Variants in PIBF1 observed in about 807,000 individuals in gnomAD.
PIBF1 encodes the protein progesterone immunomodulatory binding factor 1, also known as progesterone-induced-blocking factor 1.
PIBF1 carries 90 observed loss-of-function variants against 112.5 expected under a neutral mutation model. The ratio of observed to expected loss-of-function variants is 0.80; its 90% CI spans 0.67 to 0.95. The LOEUF is 0.95. PIBF1 is among the 40% of genes least tolerant of loss of function. The pLI is 0.00. For synonymous variants in PIBF1, 301 were observed against 288.6 expected, an observed-to-expected ratio of 1.04 and a Z score of -0.44; for missense variants, 915 against 852.3, an observed-to-expected ratio of 1.07 and a Z score of -0.92.
intron 10 of PIBF1, among the ~76,000 whole-genome samples, chr13:72,874,829 T>C (rs1254861132): frequency 6.6e-6 from 1 of 152,190 alleles, no homozygotes; most frequent in African/African-American, 2.4e-5. Context: ...AGATTGCTCA[T>C]ATAACCCCTA....
chr13:72,827,837 C>G lies in PIBF1; in HGVS notation c.1020C>G (p.Arg340=). 6.3e-7 allele frequency: 1 copy of G among 1,598,822 alleles called. No homozygotes were observed. ...LSVRCAHEED[R]LERLQAQLEE... ...TTCGCTGTGCTCATGAAGAGGATCGCCTTGAAAGACTTCAAGCTCAACTGG... is the reference window on the plus strand; with the variant it reads ...TTCGCTGTGCTCATGAAGAGGATCGGCTTGAAAGACTTCAAGCTCAACTGG... Residue 340 remains arginine (R), a synonymous_variant, in exon 8 of 18, where the codon CGC becomes CGG. Coordinates refer to ENST00000326291, the MANE Select transcript of PIBF1 (RefSeq NM_006346.4).
chr13:72,869,100 G>A (rs141746708), intron 10 of PIBF1, among the ~76,000 whole-genome samples: 1,807 of 152,174 alleles, frequency 0.012, 21 homozygotes, highest in Non-Finnish European at 0.02. Context: ...ATTTGACCCA[G>A]CCATCCCATT....
At chr13:72,931,295 A>ATACTGTGATTCTTCATATG in intron 14 of PIBF1, 28 bp downstream of exon 14, 2 of 1,270,038 alleles carry the variant, frequency 1.6e-6, no homozygotes, top group African/African-American at 1.5e-5. Context: ...ACCCATATGA[A>ATACTGTGATTCTTCATATG]GAATCACAGT....
chr13:72,860,414 A>T (rs1364889682), intron 10 of PIBF1, among the ~76,000 whole-genome samples: 1 of 151,136 alleles, frequency 6.6e-6, no homozygotes, highest in Non-Finnish European at 1.5e-5. Context: ...TATGTTGCCT[A>T]TGTGTTTAAA....
chr13:72,855,301 A>G (rs2038367500), intron 10 of PIBF1, among the ~76,000 whole-genome samples: 1 of 152,190 alleles, frequency 6.6e-6, no homozygotes, highest in Non-Finnish European at 1.5e-5. Context: ...TCAACTTTAT[A>G]AACTTGGCCT....
intron 16 of PIBF1, among the ~76,000 whole-genome samples, chr13:72,990,903 AAC>A (rs2043459748): frequency 6.6e-6 from 1 of 152,234 alleles, no homozygotes; most frequent in African/African-American, 2.4e-5. Context: ...TTTGGTTTAA[AAC>A]AAGACTGGTT....
chr13:72,968,502 T>G (rs1273994104), intron 15 of PIBF1, among the ~76,000 whole-genome samples: 1 of 151,832 alleles, frequency 6.6e-6, no homozygotes, highest in East Asian at 2.0e-4. Flanking sequence ...GGTTTCACCC[T>G]GTTAGCCAGG....
chr13:72,892,851 T>A (rs2138565397), intron 10 of PIBF1, among the ~76,000 whole-genome samples: 1 of 150,780 alleles, frequency 6.6e-6, no homozygotes, highest in Admixed American at 6.6e-5. Context: ...AAGTTAGGTC[T>A]CCTTCATATG....
At chr13:72,878,537 G>A (rs2039498152) in intron 10 of PIBF1, among the ~76,000 whole-genome samples, 1 of 152,104 alleles carries the variant, frequency 6.6e-6, no homozygotes, top group Non-Finnish European at 1.5e-5. Flanking sequence ...TTGTTCATGT[G>A]TGTTTATAGC....
chr13:72,796,662 T>G (rs1466026648), intron 4 of PIBF1, among the ~76,000 whole-genome samples: 1 of 151,896 alleles, frequency 6.6e-6, no homozygotes, highest in African/African-American at 2.4e-5. Context: ...TTTTTTTTTT[T>G]TTTAAAAGGC....
chr13:72,839,712 T>C (rs1384785007), intron 9 of PIBF1, among the ~76,000 whole-genome samples: 1 of 152,152 alleles, frequency 6.6e-6, no homozygotes, highest in Non-Finnish European at 1.5e-5. Context: ...ATTTCCTCAT[T>C]TTTTAGGTTT....
rs71099771 is a variant in PIBF1, at chr13:72,949,300, C to CTTTTTTTTTT, written c.1834-15950_1834-15941dup. On this transcript the variant is annotated intron_variant, in intron 14 of 17. Coordinates refer to ENST00000326291, the MANE Select transcript of PIBF1 (RefSeq NM_006346.4). The stretch of plus-strand genomic sequence containing the variant: ...AACTACTACCTAGACAAATAGCTGT[C>CTTTTTTTTTT]TTTTTTTTTTTTTTTTTTTTTTTTT... 1.4e-3 allele frequency among the ~76,000 whole-genome samples: 76 copies of CTTTTTTTTTT among 54,982 alleles called. 12 individuals carry two copies. The highest frequency in any genetic ancestry group is 2.1e-3 in the Non-Finnish European group (65 of 31,600). 36.1% of individuals were successfully genotyped at this position (54,982 alleles called of 152,430 possible). A position where few individuals can be genotyped will look rare whatever the true frequency, so the allele number is the denominator to read the frequency against.
At chr13:72,932,621 G>T (rs1258741439) in intron 14 of PIBF1, among the ~76,000 whole-genome samples, 3 of 152,018 alleles carry the variant, frequency 2.0e-5, no homozygotes, top group Non-Finnish European at 1.5e-5. Flanking sequence ...CCAACCTAAG[G>T]TTACTGAAGA....
intron 10 of PIBF1, among the ~76,000 whole-genome samples, chr13:72,889,926 T>C (rs1305625720): frequency 2.6e-5 from 4 of 152,192 alleles, no homozygotes; most frequent in Admixed American, 1.3e-4. Flanking sequence ...ACATTTTGTG[T>C]ACAGAATTCA....
intron 13 of PIBF1, among the ~76,000 whole-genome samples, chr13:72,926,675 A>G (rs2041494392): frequency 6.6e-6 from 1 of 152,334 alleles, no homozygotes; most frequent in African/African-American, 2.4e-5. Flanking sequence ...CATGCACCAT[A>G]TATTATTGAT....
At chr13:72,999,375 A>C (rs1034085155) in intron 17 of PIBF1, among the ~76,000 whole-genome samples, 1 of 152,142 alleles carries the variant, frequency 6.6e-6, no homozygotes, top group Non-Finnish European at 1.5e-5. Flanking sequence ...TAAATTAGGA[A>C]ATATTGAAAA....
chr13:72,788,768 G>T lies in PIBF1; in HGVS notation c.253-3679G>T, dbSNP rs148482352. 3.0e-3 allele frequency among the ~76,000 whole-genome samples: 464 copies of T among 152,332 alleles called. 2 individuals carry two copies. Among genetic ancestry groups the T allele is most frequent in the African/African-American group, 0.01 (426 of 41,564 alleles). ...TACTAATAAAAACCAGAGTATGTCA[G>T]AAAGAAGGGAAGGTTTGATGTTGGG... On this transcript the variant is annotated intron_variant, in intron 2 of 17. Coordinates refer to ENST00000326291, the MANE Select transcript of PIBF1 (RefSeq NM_006346.4).
intron 12 of PIBF1, among the ~76,000 whole-genome samples, chr13:72,911,033 C>T (rs1415259203): frequency 6.6e-6 from 1 of 152,034 alleles, no homozygotes; most frequent in Non-Finnish European, 1.5e-5. Context: ...AAAGTTGAAG[C>T]CCTGTGTGGT....
chr13:72,810,242 A>G (rs2035944910), intron 5 of PIBF1, among the ~76,000 whole-genome samples: 2 of 152,146 alleles, frequency 1.3e-5, no homozygotes, highest in South Asian at 2.1e-4. Context: ...CAACTCAGCT[A>G]TATGTTGCTG....
Sources: allele counts gnomAD v4.1 joint callset (sites outside exome capture counted in the v4.1 genomes callset), GRCh38; gene constraint gnomAD v4.1.1; transcripts MANE v1.5; gene names NCBI Gene and HGNC (gene_info 2026-07-23, HGNC 2026-07-21).